The following CALU variants were observed in gnomAD, a reference collection of about 807,000 sequenced individuals.
CALU encodes calumenin, also known as IEF SSP 9302.
In CALU, 13 loss-of-function variants were observed where a neutral mutation model predicts 37.5. The observed-to-expected ratio is 0.35, with a 90% CI of 0.23 to 0.55. The LOEUF (loss-of-function observed/expected upper bound fraction) is 0.55. CALU is among the 20% of genes least tolerant of loss of function. The pLI is 0.89. For synonymous variants in CALU, 114 were observed against 133.8 expected (o/e 0.85, Z 1.02); for missense variants, 282 against 391.7 (o/e 0.72, Z 2.36).
rs897135784 is a variant in CALU, at chr7:128,771,914, T to G, written c.*2747T>G. 5.2e-5 allele frequency: 8 copies of G among 153,632 alleles called. No individual in the cohort carries two copies. The highest frequency in any genetic ancestry group is 4.5e-4 in the Admixed American group (7 of 15,526). 9.5% of individuals were successfully genotyped at this position (153,632 alleles called of 1,614,324 possible). On this transcript the variant is annotated 3_prime_UTR_variant, in exon 7 of 7. Coordinates refer to ENST00000249364, the MANE Select transcript of CALU (RefSeq NM_001219.5). ...GTAAACACACAGTTTAAGACAAATATAAAGGTTTAGCCAAATGCAACGGGG... is the reference window on the plus strand; with the variant it reads ...GTAAACACACAGTTTAAGACAAATAGAAAGGTTTAGCCAAATGCAACGGGG...
chr7:128,754,465 T>TAAA lies in CALU; in HGVS notation c.415+11_415+12insAAA, dbSNP rs1266234258. 6 of 1,610,726 alleles carry TAAA rather than the reference T, an allele frequency of 3.7e-6. No homozygotes were observed. The highest frequency in any genetic ancestry group is 3.4e-5 in the Admixed American group (2 of 59,530). ...TACGGCTACGTTTTAGGTAGGTCCC[T>TAAA]ACTGTCTGGGGGAAAAAGCCTTGTG... On this transcript the variant is annotated intron_variant, in intron 3 of 6. Coordinates refer to ENST00000249364, the MANE Select transcript of CALU (RefSeq NM_001219.5).
At chr7:128,754,706 T>G in intron 3 of CALU, 1 of 1,550,498 alleles carries the variant, frequency 6.4e-7, no homozygotes, top group South Asian at 1.2e-5. Context: ...GAAACGTGAC[T>G]TATGGCACTT....
At position 128,758,953 on chromosome 7, in the gene CALU, T is replaced by C. The variant is rs980040941; in HGVS notation, c.498T>C (p.Asp166=). 1.3e-5 allele frequency: 21 copies of C among 1,613,426 alleles called. No individual in the cohort carries two copies. Among genetic ancestry groups the C allele is most frequent in the Non-Finnish European group, 1.8e-5 (21 of 1,179,502 alleles). ...DERRFKMADK[D]GDLIATKEEF... is the part of the protein sequence containing the mutation. ...GGAGGTTTAAAATGGCAGACAAGGA[T>C]GGAGACCTCATTGCCACCAAGGAGG... Residue 166 remains aspartate, a synonymous_variant, in exon 4 of 7, where the codon GAT becomes GAC. Transcript: ENST00000249364.
chr7:128,749,942 G>T (rs1800595881), intron 2 of CALU, among the ~76,000 whole-genome samples: 1 of 152,082 alleles, frequency 6.6e-6, no homozygotes, highest in African/African-American at 2.4e-5. Context: ...AAATAGAAAT[G>T]CAGATCAGGT....
At chr7:128,742,742 C>T (rs1051285343) in intron 1 of CALU, among the ~76,000 whole-genome samples, 2 of 152,160 alleles carry the variant, frequency 1.3e-5, no homozygotes, top group African/African-American at 4.8e-5. Context: ...GAAACCAATT[C>T]TTAAGACTCA....
At chr7:128,748,075 A>G (rs1800516314) in intron 1 of CALU, 1 of 294,552 alleles carries the variant, frequency 3.4e-6, no homozygotes, top group Admixed American at 4.9e-5. Context: ...CCTGAAAAAC[A>G]TTTAAAGCTA....
Position 128,770,893 on chromosome 7 carries a change from A to G in CALU, c.*1726A>G, listed in dbSNP as rs1186392548. 6.6e-6 allele frequency: 1 copy of G among 152,602 alleles called. No individual in the cohort carries two copies. The highest frequency in any genetic ancestry group is 1.5e-5 in the Non-Finnish European group (1 of 68,050). 9.5% of individuals were successfully genotyped at this position (152,602 alleles called of 1,614,324 possible). On this transcript the variant is annotated 3_prime_UTR_variant, in exon 7 of 7. Coordinates refer to ENST00000249364, the MANE Select transcript of CALU (RefSeq NM_001219.5). The stretch of plus-strand genomic sequence containing the variant: ...GATTTATTATAATCTGAACCTAGGT[A>G]TATCCTTTGGTCTTCCACAGTCATG...
intron 1 of CALU, chr7:128,748,091 G>A (rs1203052430): frequency 6.0e-5 from 20 of 333,554 alleles, no homozygotes; most frequent in Middle Eastern, 8.2e-4. Flanking sequence ...AGCTACGAAT[G>A]TCTGAATTCA....
At position 128,772,062 on chromosome 7, in the gene CALU, TG is replaced by T. The variant is rs369353008; in HGVS notation, c.*2896del. Among the ~76,000 whole-genome samples, 42,981 of 142,606 alleles carry T rather than the reference TG, an allele frequency of 0.3. 6,919 individuals are homozygous for T. The highest frequency in any genetic ancestry group is 0.38 in the Non-Finnish European group (25,191 of 66,020). 93.6% of individuals were successfully genotyped at this position (142,606 alleles called of 152,430 possible). On this transcript the variant is annotated 3_prime_UTR_variant, in exon 7 of 7. Coordinates refer to ENST00000249364, the MANE Select transcript of CALU (RefSeq NM_001219.5). ...ATATTTGGGGCCACTGAGTTTTTTT[TG>T]TTTTTTTTTTTGTTTTGTTTTGTTT...
chr7:128,759,681 G>A (rs943558085), intron 4 of CALU, 111 bp from the exon 5 acceptor site: 7 of 675,278 alleles, frequency 1.0e-5, no homozygotes, highest in Non-Finnish European at 1.9e-5. Context: ...ATACATACAT[G>A]TACAAGTGTG....
chr7:128,760,264 A>T (rs1188106419), intron 5 of CALU, among the ~76,000 whole-genome samples: 1 of 152,182 alleles, frequency 6.6e-6, no homozygotes, highest in Non-Finnish European at 1.5e-5. Flanking sequence ...AATTCTCACT[A>T]GCTCATTAGC....
intron 3 of CALU, 69 bp from the exon 4 acceptor site, chr7:128,758,802 T>A: frequency 2.8e-6 from 3 of 1,078,656 alleles, no homozygotes; most frequent in South Asian, 3.0e-5. Context: ...GGAAATTGAT[T>A]TCCCACCCCA....
At chr7:128,740,026 AC>A (rs1416540860) in intron 1 of CALU, among the ~76,000 whole-genome samples, 1 of 152,212 alleles carries the variant, frequency 6.6e-6, no homozygotes, top group Non-Finnish European at 1.5e-5. Context: ...ATATTTGGCT[AC>A]GTACTTCAGT....
intron 5 of CALU, among the ~76,000 whole-genome samples, chr7:128,762,915 C>T (rs1801179911): frequency 6.6e-6 from 1 of 152,060 alleles, no homozygotes; most frequent in African/African-American, 2.4e-5. Flanking sequence ...GATCTGACCA[C>T]CTTAGCCTCC....
intron 1 of CALU, among the ~76,000 whole-genome samples, chr7:128,739,639 G>A (rs1036302518): frequency 6.6e-6 from 1 of 151,704 alleles, no homozygotes; most frequent in African/African-American, 2.4e-5. Context: ...CCGTCTTACC[G>A]CGCGCTCTGG....
At chr7:128,758,143 C>T (rs954742997) in intron 3 of CALU, among the ~76,000 whole-genome samples, 3 of 151,946 alleles carry the variant, frequency 2.0e-5, no homozygotes, top group Non-Finnish European at 2.9e-5. Context: ...TTTTCTGTGA[C>T]TCTAAGTTAG....
In CALU at chr7:128,772,534, G is replaced by T; in HGVS notation, c.*3367G>T. On this transcript the variant is annotated 3_prime_UTR_variant, in exon 7 of 7. Transcript: ENST00000249364. ...TAGCTGTTGCAAACAGGCCAATATT[G>T]GGTCCTCAGTTGGGGCCAACTTGGG... 6.2e-7 allele frequency: 1 copy of T among 1,614,090 alleles called. No homozygotes were observed. Among genetic ancestry groups the T allele is most frequent in the Non-Finnish European group, 8.5e-7 (1 of 1,179,992 alleles).
At chr7:128,764,630 G>T (rs1380910563) in intron 5 of CALU, among the ~76,000 whole-genome samples, 1 of 152,068 alleles carries the variant, frequency 6.6e-6, no homozygotes, top group African/African-American at 2.4e-5. Flanking sequence ...CCAAGGAATT[G>T]ATTTTGTAAA....
At chr7:128,769,021 G>A (rs753237602) in intron 6 of CALU, 42 bp from the exon 7 acceptor site, 42 of 1,140,202 alleles carry the variant, frequency 3.7e-5, no homozygotes, top group Non-Finnish European at 4.9e-5. Flanking sequence ...TTTTTAATGG[G>A]AAATATGTTC....
Sources: gnomAD v4.1 joint callset for allele counts (sites outside exome capture counted in the v4.1 genomes callset) on GRCh38, gnomAD v4.1.1 for gene constraint, MANE v1.5 for transcripts, NCBI Gene and HGNC (gene_info 2026-07-23, HGNC 2026-07-21) for gene names.